Variants in GRB10 observed in about 807,000 individuals in gnomAD.
GRB10 encodes growth factor receptor bound protein 10, also known as growth factor receptor-bound protein 10.
In GRB10, 20 loss-of-function variants were observed where a neutral mutation model predicts 80.9. The observed-to-expected ratio is 0.25, with a 90% confidence interval of 0.17 to 0.36. The LOEUF (loss-of-function observed/expected upper bound fraction) is 0.36, where lower values mean the gene tolerates loss of function less well. GRB10 is among the 10% of genes least tolerant of loss of function. GRB10 has a pLI of 1.00. For synonymous variants in GRB10, 291 were observed against 291.5 expected, an observed-to-expected ratio of 1.00 and a Z score of 0.02; for missense variants, 548 against 747.7, an observed-to-expected ratio of 0.73 and a Z score of 3.12.
intron 9 of GRB10, 122 bp from the exon 10 acceptor site, chr7:50,618,261 A>C: frequency 1.3e-6 from 1 of 749,412 alleles, no homozygotes; most frequent in South Asian, 1.5e-5. Flanking sequence ...ACCTGTATTT[A>C]AAATGGCGGT....
chr7:50,772,966 C>T (rs1454773287), intron 2 of GRB10, among the ~76,000 whole-genome samples: 3 of 152,192 alleles, frequency 2.0e-5, no homozygotes, highest in Non-Finnish European at 4.4e-5. Context: ...AGTCCGTTTT[C>T]ATGCTGCTGA....
At chr7:50,767,935 C>T (rs1360861275) in intron 2 of GRB10, among the ~76,000 whole-genome samples, 1 of 152,204 alleles carries the variant, frequency 6.6e-6, no homozygotes, top group Non-Finnish European at 1.5e-5. Flanking sequence ...GCAGCAGAAA[C>T]CCATGATGCT....
chr7:50,670,105 A>G (rs1490531598), intron 6 of GRB10, among the ~76,000 whole-genome samples: 7 of 152,230 alleles, frequency 4.6e-5, no homozygotes, highest in African/African-American at 7.2e-5. Context: ...TCAGCCATGA[A>G]AAAGGAAGCA....
At chr7:50,780,825 G>A (rs2078200145) in intron 1 of GRB10, 89 bp from the exon 2 acceptor site, 2 of 152,174 alleles carry the variant, frequency 1.3e-5, no homozygotes, top group Non-Finnish European at 2.9e-5. Context: ...GAAGCTGCCT[G>A]GCTTTTGTGG....
chr7:50,683,300 C>T (rs2061739736), intron 5 of GRB10, among the ~76,000 whole-genome samples: 1 of 152,212 alleles, frequency 6.6e-6, no homozygotes, highest in Non-Finnish European at 1.5e-5. Flanking sequence ...TGGCCAGGGG[C>T]TAGGGAAGGA....
At chr7:50,700,631 T>C (rs1238945010) in intron 5 of GRB10, among the ~76,000 whole-genome samples, 4 of 152,232 alleles carry the variant, frequency 2.6e-5, no homozygotes, top group African/African-American at 9.6e-5. Context: ...CTTTGCAGCA[T>C]TGTATGACTT....
intron 7 of GRB10, among the ~76,000 whole-genome samples, chr7:50,634,061 G>T (rs528160107): frequency 6.6e-5 from 10 of 152,290 alleles, no homozygotes; most frequent in African/African-American, 2.4e-4. Flanking sequence ...TACTACAGAA[G>T]ATGCACATTC....
At chr7:50,597,388 A>G (rs2046852573) in intron 17 of GRB10, among the ~76,000 whole-genome samples, 1 of 152,270 alleles carries the variant, frequency 6.6e-6, no homozygotes, top group South Asian at 2.1e-4. Flanking sequence ...AAGGAGATCC[A>G]GTTCTTCTCC....
intron 3 of GRB10, among the ~76,000 whole-genome samples, chr7:50,754,982 C>G (rs577610493): frequency 6.6e-6 from 1 of 152,174 alleles, no homozygotes; most frequent in African/African-American, 2.4e-5. Flanking sequence ...GTGAGGACAC[C>G]GCGAGAAAAC....
At position 50,606,592 on chromosome 7, in the gene GRB10, C is replaced by T. The variant is rs936207043; in HGVS notation, c.1195-178G>A. 53 of 630,262 alleles carry T rather than the reference C, an allele frequency of 8.4e-5. 1 individual carries two copies. The highest frequency in any genetic ancestry group is 1.0e-4 in the South Asian group (6 of 57,436). The allele number at this position is 630,262 out of a possible 1,614,324, so 39.0% of individuals were successfully genotyped here. On this transcript the variant is annotated intron_variant, in intron 13 of 18. Coordinates refer to ENST00000401949, the MANE Select transcript of GRB10 (RefSeq NM_001350814.2). The stretch of plus-strand genomic sequence containing the variant: ...TCAACACAGGGATTAGGAGCAATGA[C>T]GCCCCTTGAAATAAAAAATCCGAGT...
At chr7:50,733,646 G>C (rs1247842720) in intron 3 of GRB10, among the ~76,000 whole-genome samples, 1 of 152,192 alleles carries the variant, frequency 6.6e-6, no homozygotes, top group African/African-American at 2.4e-5. Flanking sequence ...TGAGAACTGT[G>C]CCCGCATCCA....
chr7:50,792,648 C>CA (rs1292218230), intron 1 of GRB10: 10 of 392,734 alleles, frequency 2.5e-5, no homozygotes, highest in South Asian at 1.3e-4. Flanking sequence ...CCAACAGAAC[C>CA]AAAAAAAAGG....
chr7:50,761,327 C>G (rs1467741113), intron 2 of GRB10, among the ~76,000 whole-genome samples: 1 of 152,198 alleles, frequency 6.6e-6, no homozygotes, highest in Non-Finnish European at 1.5e-5. Flanking sequence ...CTTTCAATCA[C>G]TTGCTGGAAC....
chr7:50,636,039 G>C (rs1459089318), intron 7 of GRB10, among the ~76,000 whole-genome samples: 1 of 128,984 alleles, frequency 7.8e-6, no homozygotes. Flanking sequence ...GTGCAGTGGT[G>C]CAATCTCAGC....
At chr7:50,648,690 T>C (rs2057593236) in intron 7 of GRB10, among the ~76,000 whole-genome samples, 1 of 152,156 alleles carries the variant, frequency 6.6e-6, no homozygotes, top group East Asian at 1.9e-4. Context: ...CTTCCAGAGT[T>C]TCCCTTCTTC....
Position 50,689,693 on chromosome 7 carries a change from A to T in GRB10, c.139+14128T>A, listed in dbSNP as rs1042260400. Among the ~76,000 whole-genome samples, 8 of 152,348 alleles carry T rather than the reference A, an allele frequency of 5.3e-5. No homozygotes were observed. The East Asian group carries it at 1.5e-3, about 29-fold the overall frequency. ...AACTAACATTTTTGAGGACCTCCTTAAAGATGGGATTAATTCATAGTGGGG... is the reference window on the plus strand; with the variant it reads ...AACTAACATTTTTGAGGACCTCCTTTAAGATGGGATTAATTCATAGTGGGG... On this transcript the variant is annotated intron_variant, in intron 5 of 18. Coordinates refer to ENST00000401949, the MANE Select transcript of GRB10 (RefSeq NM_001350814.2).
chr7:50,705,382 TTCTC>T (rs1275856230), intron 4 of GRB10: 2 of 677,852 alleles, frequency 3.0e-6, no homozygotes, highest in Non-Finnish European at 1.8e-6. Context: ...TTTCACCAGC[TTCTC>T]TCTTTTTCCC....
At chr7:50,612,547 T>A (rs1445461415) in intron 13 of GRB10, among the ~76,000 whole-genome samples, 194 bp downstream of exon 13, 1 of 152,226 alleles carries the variant, frequency 6.6e-6, no homozygotes, top group Non-Finnish European at 1.5e-5. Flanking sequence ...CTACCCTGTT[T>A]AATATTAGGC....
At chr7:50,767,941 A>T (rs531306751) in intron 2 of GRB10, among the ~76,000 whole-genome samples, 1 of 152,258 alleles carries the variant, frequency 6.6e-6, no homozygotes, top group East Asian at 1.9e-4. Context: ...GAAACCCATG[A>T]TGCTCTCCAA....
Sources: gnomAD v4.1 joint callset for allele counts (sites outside exome capture counted in the v4.1 genomes callset) on GRCh38, gnomAD v4.1.1 for gene constraint, MANE v1.5 for transcripts, NCBI Gene and HGNC (gene_info 2026-07-23, HGNC 2026-07-21) for gene names.